The following EPHA6 variants were observed in gnomAD, a reference collection of about 807,000 sequenced individuals.
EPHA6 encodes the protein ephrin type-A receptor 6.
In EPHA6, 50 loss-of-function variants were observed where a neutral mutation model predicts 112.0. The observed-to-expected ratio is 0.45, with a 90% CI of 0.36 to 0.56. EPHA6 has a LOEUF of 0.56. Ranked by LOEUF, EPHA6 falls within the 20% of genes least tolerant of loss-of-function variation. EPHA6 has a pLI of 0.00. For synonymous variants in EPHA6, 529 were observed against 490.7 expected (o/e 1.08, Z -1.03); for missense variants, 1,280 against 1,417.4 (o/e 0.90, Z 1.56).
chr3:97,603,778 T>C (rs2093660207), intron 12 of EPHA6, among the ~76,000 whole-genome samples: 1 of 151,930 alleles, frequency 6.6e-6, no homozygotes, highest in Non-Finnish European at 1.5e-5. Flanking sequence ...ATTGTTTTAC[T>C]CTACCCTAAG....
intron 3 of EPHA6, among the ~76,000 whole-genome samples, chr3:97,061,727 A>G (rs116416616): frequency 0.01 from 1,583 of 152,284 alleles, 21 homozygotes; most frequent in African/African-American, 0.036. Flanking sequence ...GTAAGAAGCC[A>G]AGATAAGGCA....
At chr3:96,896,221 A>T (rs7645271) in intron 2 of EPHA6, among the ~76,000 whole-genome samples, 33,270 of 152,102 alleles carry the variant, frequency 0.22, 6,366 homozygotes, top group African/African-American at 0.49. Flanking sequence ...TTCATTTATA[A>T]CATTAACATC....
At chr3:96,859,615 C>T (rs983227670) in intron 1 of EPHA6, among the ~76,000 whole-genome samples, 1 of 151,952 alleles carries the variant, frequency 6.6e-6, no homozygotes, top group African/African-American at 2.4e-5. Context: ...TTGTTTAATT[C>T]ATTTTTAAAA....
At chr3:97,425,151 T>C (rs527957425) in intron 6 of EPHA6, among the ~76,000 whole-genome samples, 3 of 152,288 alleles carry the variant, frequency 2.0e-5, no homozygotes, top group African/African-American at 7.2e-5. Context: ...ATGCAAGCTG[T>C]CCGTGGATCT....
intron 3 of EPHA6, among the ~76,000 whole-genome samples, chr3:97,011,797 C>T (rs1215857769): frequency 1.3e-5 from 2 of 152,144 alleles, no homozygotes; most frequent in African/African-American, 2.4e-5. Flanking sequence ...ATCCCCCACC[C>T]GGCTCCTTCC....
chr3:97,167,005 C>T (rs2076556907), intron 3 of EPHA6, among the ~76,000 whole-genome samples: 6 of 152,118 alleles, frequency 3.9e-5, no homozygotes, highest in African/African-American at 1.2e-4. Context: ...AATCTTCCTA[C>T]AAGATACACC....
intron 3 of EPHA6, among the ~76,000 whole-genome samples, chr3:96,997,680 T>TA (rs1375503034): frequency 6.6e-6 from 1 of 151,948 alleles, no homozygotes; most frequent in Non-Finnish European, 1.5e-5. Flanking sequence ...AAAAGTAACA[T>TA]AAAAAATCAT....
intron 13 of EPHA6, among the ~76,000 whole-genome samples, chr3:97,613,888 G>A (rs373852325): frequency 2.0e-4 from 31 of 152,208 alleles, no homozygotes; most frequent in East Asian, 5.8e-4. Flanking sequence ...TCACTAGTGC[G>A]AATTAAATGT....
At chr3:97,086,082 C>T (rs1312024142) in intron 3 of EPHA6, among the ~76,000 whole-genome samples, 2 of 151,460 alleles carry the variant, frequency 1.3e-5, no homozygotes, top group Admixed American at 6.6e-5. Context: ...TTACCCACCC[C>T]GGCCACTGTA....
chr3:97,360,359 C>G (rs1486314179), intron 5 of EPHA6, among the ~76,000 whole-genome samples: 1 of 152,192 alleles, frequency 6.6e-6, no homozygotes, highest in Non-Finnish European at 1.5e-5. Context: ...GATGGGAAGA[C>G]AGATTCCTGG....
chr3:97,636,836 CTAGA>C (rs1250171972), intron 13 of EPHA6, among the ~76,000 whole-genome samples: 2 of 151,936 alleles, frequency 1.3e-5, no homozygotes, highest in Non-Finnish European at 2.9e-5. Flanking sequence ...CAATCTACTG[CTAGA>C]TATTCATTTT....
intron 5 of EPHA6, among the ~76,000 whole-genome samples, chr3:97,389,992 A>C (rs1170208507): frequency 6.6e-6 from 1 of 152,168 alleles, no homozygotes; most frequent in Non-Finnish European, 1.5e-5. Context: ...AACAATTACT[A>C]ACTAGAGAAA....
At chr3:97,107,174 T>C (rs564554665) in intron 3 of EPHA6, among the ~76,000 whole-genome samples, 2 of 152,316 alleles carry the variant, frequency 1.3e-5, no homozygotes, top group South Asian at 4.1e-4. Context: ...AATAAGTAAA[T>C]GTAATTTACT....
At chr3:97,010,368 A>G (rs2044041185) in intron 3 of EPHA6, among the ~76,000 whole-genome samples, 1 of 152,334 alleles carries the variant, frequency 6.6e-6, no homozygotes, top group South Asian at 2.1e-4. Context: ...TCTGCTTTCA[A>G]GCTATAGTAG....
At chr3:97,219,511 C>G (rs1317892837) in intron 3 of EPHA6, among the ~76,000 whole-genome samples, 1 of 152,322 alleles carries the variant, frequency 6.6e-6, no homozygotes, top group Non-Finnish European at 1.5e-5. Flanking sequence ...GGATTGCAAC[C>G]TCTGAAGCAA....
At position 96,867,298 on chromosome 3, in the gene EPHA6, A is replaced by G. The variant is rs115436767; in HGVS notation, c.450+409A>G. Among the ~76,000 whole-genome samples, 420 of 151,912 alleles carry G rather than the reference A, an allele frequency of 2.8e-3. 1 individual carries two copies. The highest frequency in any genetic ancestry group is 5.1e-3 in the Non-Finnish European group (347 of 67,788). On this transcript the variant is annotated intron_variant, in intron 2 of 17. Coordinates refer to ENST00000389672, the MANE Select transcript of EPHA6 (RefSeq NM_001080448.3). ...GCAAATATTAACAATTTGGTTTTTA[A>G]TACAGAATACAAGTCTACTAAAATA...
intron 2 of EPHA6, among the ~76,000 whole-genome samples, chr3:96,956,008 C>A (rs980906488): frequency 1.3e-5 from 2 of 152,100 alleles, no homozygotes; most frequent in African/African-American, 4.8e-5. Flanking sequence ...AATTTATATT[C>A]AGTACGAAAT....
intron 14 of EPHA6, among the ~76,000 whole-genome samples, chr3:97,678,736 G>A (rs138742089): frequency 2.0e-4 from 30 of 152,102 alleles, no homozygotes; most frequent in African/African-American, 6.7e-4. Flanking sequence ...TTTGATATTG[G>A]CTATTTGATA....
intron 10 of EPHA6, among the ~76,000 whole-genome samples, chr3:97,502,167 C>CTT (rs773321621): frequency 9.3e-4 from 116 of 124,300 alleles, no homozygotes; most frequent in African/African-American, 2.6e-3. Context: ...TAACTACCTG[C>CTT]TTTTTTTTTT....
Sources: allele counts gnomAD v4.1 joint callset (sites outside exome capture counted in the v4.1 genomes callset), GRCh38; gene constraint gnomAD v4.1.1; transcripts MANE v1.5; gene names NCBI Gene and HGNC (gene_info 2026-07-23, HGNC 2026-07-21).